TMPRSS6: variants seen among roughly 807,000 people sequenced by gnomAD.
TMPRSS6 encodes the protein transmembrane serine protease 6.
A neutral mutation model predicts 101.5 loss-of-function variants in TMPRSS6; 67 were observed. That is an observed-to-expected ratio of 0.66 (90% CI 0.54 to 0.81). The LOEUF is 0.81. Among genes scored for constraint, TMPRSS6 ranks in the 30% least tolerant of loss-of-function variants. TMPRSS6 has a pLI of 0.00. For missense variants in TMPRSS6, 1,034 were observed against 1,088.7 expected (o/e 0.95, Z 0.71); for synonymous variants, 453 against 464.9 (o/e 0.97, Z 0.33).
At chr22:37,107,547 C>T (rs1414977739) in intron 1 of TMPRSS6, among the ~76,000 whole-genome samples, 1 of 151,640 alleles carries the variant, frequency 6.6e-6, no homozygotes, top group Non-Finnish European at 1.5e-5. Flanking sequence ...TCGACTCCTG[C>T]AATAGCCAAT....
chr22:37,086,194 G>A (rs1379041175), intron 8 of TMPRSS6, 89 bp downstream of exon 8: 5 of 1,570,868 alleles, frequency 3.2e-6, no homozygotes, highest in African/African-American at 1.4e-5. Context: ...TCCTCAATTT[G>A]GGCAAAAAAG....
At position 37,090,074 on chromosome 22, in the gene TMPRSS6, C is replaced by T. The variant is rs1861943; in HGVS notation, c.632-292G>A. On this transcript the variant is annotated intron_variant, in intron 6 of 17. Transcript: ENST00000676104. ...CGCTGCCTGGGGACATGGATGACAG[C>T]GGGGACAGACAGACACAGAACAGGC... Among the ~76,000 whole-genome samples, 66 of 152,330 alleles carry T rather than the reference C, an allele frequency of 4.3e-4. 1 individual carries two copies. Among genetic ancestry groups the T allele is most frequent in the African/African-American group, 1.5e-3 (61 of 41,584 alleles).
intron 4 of TMPRSS6, among the ~76,000 whole-genome samples, chr22:37,096,428 TCA>T (rs1929770446): frequency 6.6e-6 from 1 of 152,150 alleles, no homozygotes; most frequent in South Asian, 2.1e-4. Context: ...TGATCAGCCA[TCA>T]CAGTCATTGT....
chr22:37,070,682 C>A, intron 14 of TMPRSS6, 30 bp from the exon 15 acceptor site: 2 of 1,602,268 alleles, frequency 1.2e-6, no homozygotes. Flanking sequence ...GTGGGGTGGA[C>A]AGAGGAGGAG....
Position 37,103,767 on chromosome 22 carries a change from T to C in TMPRSS6, c.-1-349A>G. On this transcript the variant is annotated intron_variant, in intron 1 of 17. Coordinates refer to ENST00000676104, the MANE Select transcript of TMPRSS6 (RefSeq NM_001374504.1). The surrounding 1 kb of genome is among the most constrained non-coding windows in gnomAD (Gnocchi z 4.4). Reference sequence around the variant, plus strand: ...CACCCACAGACAGAACTGAAGTACATGGGGTGCAGACTTCTGTAGACATCT... The same window carrying C: ...CACCCACAGACAGAACTGAAGTACACGGGGTGCAGACTTCTGTAGACATCT... 1.6e-6 allele frequency: 1 copy of C among 639,162 alleles called. No homozygotes were observed. The highest frequency in any genetic ancestry group is 2.8e-5 in the East Asian group (1 of 36,234). The allele number at this position is 639,162 out of a possible 1,614,324, so 39.6% of individuals were successfully genotyped here. A position where few individuals can be genotyped will look rare whatever the true frequency, so the allele number is the denominator to read the frequency against.
At chr22:37,091,142 C>T (rs1929224957) in intron 6 of TMPRSS6, among the ~76,000 whole-genome samples, 1 of 152,184 alleles carries the variant, frequency 6.6e-6, no homozygotes, top group South Asian at 2.1e-4. Context: ...ACTGTGTGTT[C>T]GATCTAGGCA....
intron 10 of TMPRSS6, among the ~76,000 whole-genome samples, chr22:37,077,906 G>T (rs1383012233): frequency 6.6e-6 from 1 of 152,228 alleles, no homozygotes; most frequent in African/African-American, 2.4e-5. Context: ...GGCAGAACAG[G>T]TTGGGAGCCG....
chr22:37,084,549 G>T, intron 9 of TMPRSS6, 145 bp from the exon 10 acceptor site: 1 of 817,312 alleles, frequency 1.2e-6, no homozygotes, highest in Non-Finnish European at 2.1e-6. Flanking sequence ...GCATTGCTGT[G>T]ACCCACAGAG....
chr22:37,080,708 C>G (rs896097408), intron 10 of TMPRSS6, among the ~76,000 whole-genome samples: 1 of 152,236 alleles, frequency 6.6e-6, no homozygotes, highest in Non-Finnish European at 1.5e-5. Flanking sequence ...AAGAGTCTGC[C>G]CCTGGGGACC....
At chr22:37,079,738 G>A (rs1444110873) in intron 10 of TMPRSS6, among the ~76,000 whole-genome samples, 3 of 152,248 alleles carry the variant, frequency 2.0e-5, no homozygotes, top group Non-Finnish European at 4.4e-5. Flanking sequence ...CTTGTGGCAT[G>A]GTTTAAGGCA....
intron 7 of TMPRSS6, 49 bp from the exon 8 acceptor site, chr22:37,086,468 G>A: frequency 1.3e-6 from 2 of 1,551,252 alleles, no homozygotes; most frequent in Non-Finnish European, 1.7e-6. Context: ...TGGGAGGGGA[G>A]TGGCAGGGAG....
intron 2 of TMPRSS6, among the ~76,000 whole-genome samples, chr22:37,102,477 C>T (rs1601576130): frequency 6.6e-6 from 1 of 152,328 alleles, no homozygotes; most frequent in Middle Eastern, 3.4e-3. Flanking sequence ...AGAGGAGAGA[C>T]TCCATCAATC....
chr22:37,073,395 A>C, intron 13 of TMPRSS6, 137 bp downstream of exon 13: 1 of 600,474 alleles, frequency 1.7e-6, no homozygotes, highest in Middle Eastern at 2.7e-4. Flanking sequence ...TGGATGGATG[A>C]ATGGACAGAC....
rs1174917866 is a variant in TMPRSS6, at chr22:37,101,876, C to T, written c.202+1340G>A. ...CCGCTACCTGAGGAGGCCCCCACAG[C>T]CCTGTGCTATCTGGGGCACTGGCTT... On this transcript the variant is annotated intron_variant, in intron 2 of 17. Coordinates refer to ENST00000676104, the MANE Select transcript of TMPRSS6 (RefSeq NM_001374504.1). This position sits in a 1 kb window ranked among gnomAD's most constrained non-coding sequence, Gnocchi z 4.1. Among the ~76,000 whole-genome samples, 1 of 152,214 alleles carries T rather than the reference C, an allele frequency of 6.6e-6. No individual in the cohort carries two copies. Among genetic ancestry groups the T allele is most frequent in the Non-Finnish European group, 1.5e-5 (1 of 68,030 alleles).
intron 12 of TMPRSS6, among the ~76,000 whole-genome samples, 168 bp downstream of exon 12, chr22:37,074,442 G>A (rs1036690943): frequency 2.6e-5 from 4 of 152,148 alleles, no homozygotes; most frequent in African/African-American, 9.7e-5. Flanking sequence ...CTGCATTGCT[G>A]GTCTGTCTCA....
chr22:37,065,571 GTGGCAGCAGGCCCACC>G lies in TMPRSS6; in HGVS notation c.*493_*508del, dbSNP rs368702394. On this transcript the variant is annotated 3_prime_UTR_variant, in exon 18 of 18. Transcript: ENST00000676104. ...GGACTTCCCCACCTTTTGGCTTACA[GTGGCAGCAGGCCCACC>G]TGGCAGTCTCCAGGGCTCTGAGGGT... is the stretch of plus-strand genomic sequence containing the variant. 4.3e-5 allele frequency: 7 copies of G among 162,624 alleles called. No homozygotes were observed. The highest frequency in any genetic ancestry group is 1.4e-4 in the African/African-American group (6 of 41,878). 10.1% of individuals were successfully genotyped at this position (162,624 alleles called of 1,614,324 possible). A position where few individuals can be genotyped will look rare whatever the true frequency, so the allele number is the denominator to read the frequency against.
At chr22:37,076,803 A>G (rs1030604434) in intron 10 of TMPRSS6, among the ~76,000 whole-genome samples, 2 of 152,202 alleles carry the variant, frequency 1.3e-5, no homozygotes, top group African/African-American at 4.8e-5. Flanking sequence ...GATGGGGGAA[A>G]CACACTCAGG....
chr22:37,072,229 TG>T (rs1215515850), intron 13 of TMPRSS6, among the ~76,000 whole-genome samples: 2 of 70,798 alleles, frequency 2.8e-5, no homozygotes, highest in African/African-American at 1.8e-4. Flanking sequence ...GATGGATGGA[TG>T]GATGATGGAT....
At chr22:37,068,920 A>G (rs879640341) in intron 16 of TMPRSS6, among the ~76,000 whole-genome samples, 153 bp downstream of exon 16, 1 of 152,184 alleles carries the variant, frequency 6.6e-6, no homozygotes, top group Non-Finnish European at 1.5e-5. Flanking sequence ...GTGGTTTTCT[A>G]CCGTAAAATT....
Sources: allele counts gnomAD v4.1 joint callset (sites outside exome capture counted in the v4.1 genomes callset), GRCh38; gene constraint gnomAD v4.1.1; non-coding constraint Gnocchi (gnomAD v3.1); transcripts MANE v1.5; gene names NCBI Gene and HGNC (gene_info 2026-07-23, HGNC 2026-07-21).